CDH18: variants seen among roughly 807,000 people sequenced by gnomAD.
The protein encoded by CDH18 is cadherin 18, also known as cadherin-18.
Under a neutral mutation model 67.9 loss-of-function variants are expected in CDH18, and 31 were observed. The ratio of observed to expected loss-of-function variants is 0.46; its 90% CI spans 0.34 to 0.62. The LOEUF (loss-of-function observed/expected upper bound fraction) is 0.62. CDH18 is among the 20% of genes least tolerant of loss of function. The probability of loss-of-function intolerance (pLI) is 0.01; values close to 1 mark genes in which losing one functional copy is unlikely to be tolerated. For missense variants in CDH18, 890 were observed against 975.5 expected, an observed-to-expected ratio of 0.91 and a Z score of 1.17; for synonymous variants, 362 against 347.2, an observed-to-expected ratio of 1.04 and a Z score of -0.48.
At chr5:19,668,010 A>G (rs551272451) in intron 5 of CDH18, among the ~76,000 whole-genome samples, 18 of 151,988 alleles carry the variant, frequency 1.2e-4, no homozygotes, top group African/African-American at 4.3e-4. Flanking sequence ...TAGAACTAAT[A>G]AAAAAACTAT....
intron 5 of CDH18, among the ~76,000 whole-genome samples, chr5:19,623,261 T>C (rs993761582): frequency 2.0e-5 from 3 of 152,206 alleles, no homozygotes; most frequent in Admixed American, 6.5e-5. Flanking sequence ...AGTCAACACA[T>C]AGAACACGAC....
chr5:19,796,324 C>T (rs1217767800), intron 3 of CDH18, among the ~76,000 whole-genome samples: 2 of 151,894 alleles, frequency 1.3e-5, no homozygotes, highest in Admixed American at 6.6e-5. Flanking sequence ...TTTTTGAAAG[C>T]AGCCAGAGTA....
chr5:20,448,720 T>G (rs999273148), intron 1 of CDH18, among the ~76,000 whole-genome samples: 1 of 152,088 alleles, frequency 6.6e-6, no homozygotes, highest in African/African-American at 2.4e-5. Flanking sequence ...GGAATCTATA[T>G]CTGACCAGAG....
At chr5:20,340,479 A>C (rs1156485976) in intron 1 of CDH18, among the ~76,000 whole-genome samples, 1 of 152,168 alleles carries the variant, frequency 6.6e-6, no homozygotes, top group Non-Finnish European at 1.5e-5. Context: ...AAACCAAGAC[A>C]CTTTAAGAAG....
At chr5:19,727,414 G>C (rs1247248576) in intron 4 of CDH18, among the ~76,000 whole-genome samples, 1 of 152,158 alleles carries the variant, frequency 6.6e-6, no homozygotes, top group African/African-American at 2.4e-5. Context: ...ATATCAGGGC[G>C]ATGTGGCTAC....
intron 5 of CDH18, among the ~76,000 whole-genome samples, chr5:19,667,290 A>G (rs1460141206): frequency 1.3e-5 from 2 of 151,630 alleles, no homozygotes; most frequent in African/African-American, 4.8e-5. Context: ...ATTATGTAAA[A>G]TTGCAGTTGA....
rs765514627 is a variant in CDH18, at chr5:19,591,046, G to A, written c.999+11C>T. 2.2e-5 allele frequency: 33 copies of A among 1,525,764 alleles called. No individual in the cohort carries two copies. The East Asian group carries it at 7.7e-4, about 36-fold the overall frequency. 94.5% of individuals were successfully genotyped at this position (1,525,764 alleles called of 1,614,324 possible). On this transcript the variant is annotated intron_variant, in intron 7 of 12. Transcript: ENST00000382275. ...GAGTTGCCTGAATCACAAAAAGTATGTTCTTTTTACCTTCTTTAAAGAAAG... is the reference window on the plus strand; with the variant it reads ...GAGTTGCCTGAATCACAAAAAGTATATTCTTTTTACCTTCTTTAAAGAAAG...
At chr5:20,107,084 CTT>C (rs34482408) in intron 2 of CDH18, among the ~76,000 whole-genome samples, 5 of 143,442 alleles carry the variant, frequency 3.5e-5, no homozygotes, top group Non-Finnish European at 3.0e-5. Flanking sequence ...TTATAACTTT[CTT>C]TTTTTTTTTT....
At chr5:19,535,186 G>GT (rs1363178381) in intron 9 of CDH18, among the ~76,000 whole-genome samples, 1 of 152,164 alleles carries the variant, frequency 6.6e-6, no homozygotes, top group Non-Finnish European at 1.5e-5. Context: ...ACATTATGAA[G>GT]TAATCTGTTA....
rs34475393 is a variant in CDH18 at position 20,152,939 on chromosome 5, A to ATTTTTTTTT, written c.-518+102496_-518+102504dup. 1.3e-4 allele frequency among the ~76,000 whole-genome samples: 16 copies of ATTTTTTTTT among 125,890 alleles called. 1 individual carries two copies. Among genetic ancestry groups the ATTTTTTTTT allele is most frequent in the African/African-American group, 4.4e-4 (15 of 33,874 alleles). 82.6% of individuals were successfully genotyped at this position (125,890 alleles called of 152,430 possible). On this transcript the variant is annotated intron_variant, in intron 2 of 14. Transcript: ENST00000507958. ...ATATATAGACAACTAAGGATGAGGA[A>ATTTTTTTTT]TTTTTTTTTTTTTTTTTTTTTGAGA...
chr5:20,076,267 T>A (rs1349496470), intron 2 of CDH18, among the ~76,000 whole-genome samples: 1 of 152,030 alleles, frequency 6.6e-6, no homozygotes, highest in Non-Finnish European at 1.5e-5. Flanking sequence ...GCATCAGAAT[T>A]TGTGTTAAAG....
chr5:19,604,167 C>T (rs1050624907), intron 6 of CDH18, among the ~76,000 whole-genome samples: 14 of 151,968 alleles, frequency 9.2e-5, no homozygotes, highest in Admixed American at 2.0e-4. Flanking sequence ...ACTTTCTTTT[C>T]CTCCAGGACA....
chr5:20,533,193 A>G (rs1449768791), intron 1 of CDH18, among the ~76,000 whole-genome samples: 2 of 152,074 alleles, frequency 1.3e-5, no homozygotes, highest in African/African-American at 4.8e-5. Context: ...TGAACAGCAA[A>G]CTACTAAAAG....
intron 1 of CDH18, among the ~76,000 whole-genome samples, chr5:20,320,523 T>G (rs1737907946): frequency 6.6e-6 from 1 of 152,194 alleles, no homozygotes; most frequent in Non-Finnish European, 1.5e-5. Context: ...GAAAATAGAA[T>G]GTTGTTCTAA....
At chr5:20,079,231 G>T (rs1196170490) in intron 2 of CDH18, among the ~76,000 whole-genome samples, 1 of 151,928 alleles carries the variant, frequency 6.6e-6, no homozygotes, top group Non-Finnish European at 1.5e-5. Flanking sequence ...ACCCCACACT[G>T]CAGCCCCTGG....
At chr5:20,003,557 T>A (rs1736621440) in intron 2 of CDH18, among the ~76,000 whole-genome samples, 1 of 152,106 alleles carries the variant, frequency 6.6e-6, no homozygotes, top group South Asian at 2.1e-4. Flanking sequence ...AACCTCCTTT[T>A]CTCCTCTACT....
At chr5:20,473,318 A>T (rs1752219104) in intron 1 of CDH18, among the ~76,000 whole-genome samples, 1 of 152,150 alleles carries the variant, frequency 6.6e-6, no homozygotes, top group Admixed American at 6.6e-5. Flanking sequence ...CATCTTTCCG[A>T]ATTTATGTTT....
chr5:19,562,329 C>G (rs1407999897), intron 8 of CDH18, among the ~76,000 whole-genome samples: 1 of 152,030 alleles, frequency 6.6e-6, no homozygotes, highest in African/African-American at 2.4e-5. Context: ...GCCAAAAGGC[C>G]TTATCATTAT....
At chr5:20,206,798 T>C (rs1348956548) in intron 2 of CDH18, among the ~76,000 whole-genome samples, 1 of 152,004 alleles carries the variant, frequency 6.6e-6, no homozygotes, top group Admixed American at 6.6e-5. Context: ...AATTCAGTGT[T>C]ACTTTAATGA....
Sources: gnomAD v4.1 joint callset for allele counts (sites outside exome capture counted in the v4.1 genomes callset) on GRCh38, gnomAD v4.1.1 for gene constraint, MANE v1.5 for transcripts, NCBI Gene and HGNC (gene_info 2026-07-23, HGNC 2026-07-21) for gene names.